The following RBM25 variants were observed in gnomAD, a reference collection of about 807,000 sequenced individuals.
RBM25 encodes RNA binding motif protein 25.
In RBM25, 19 loss-of-function variants were observed where a neutral mutation model predicts 120.7. The ratio of observed to expected loss-of-function variants is 0.16; its 90% CI spans 0.11 to 0.23. The LOEUF (loss-of-function observed/expected upper bound fraction) is 0.23, where lower values mean the gene tolerates loss of function less well. Among genes scored for constraint, RBM25 ranks in the 10% least tolerant of loss-of-function variants. The pLI is 1.00. For synonymous variants in RBM25, 390 were observed against 326.7 expected (o/e 1.19, Z -2.09); for missense variants, 605 against 1,041.5 (o/e 0.58, Z 5.77).
chr14:73,111,848 A>G, intron 16 of RBM25, 46 bp downstream of exon 16: 7 of 1,517,708 alleles, frequency 4.6e-6, no homozygotes, highest in Non-Finnish European at 6.2e-6. Flanking sequence ...AACAGTTGGA[A>G]TATGCCATAC....
chr14:73,074,787 T>C lies in RBM25; in HGVS notation c.107-1532T>C, dbSNP rs1387475163. On this transcript the variant is annotated intron_variant, in intron 2 of 18. Coordinates refer to ENST00000261973, the MANE Select transcript of RBM25 (RefSeq NM_021239.3). ...GTGGTGCCATTACAGCTCACTGCAG[T>C]CTCTGCCTCCTGGGTTCAAGTGATT... 2.6e-4 allele frequency among the ~76,000 whole-genome samples: 39 copies of C among 151,676 alleles called. 1 individual carries two copies. The highest frequency in any genetic ancestry group is 2.6e-3 in the Admixed American group (39 of 15,194).
intron 1 of RBM25, among the ~76,000 whole-genome samples, chr14:73,068,826 G>A (rs568751192): frequency 9.2e-5 from 14 of 151,730 alleles, no homozygotes; most frequent in South Asian, 4.2e-4. Flanking sequence ...CACCCACCTC[G>A]GCCTCCCAAA....
At chr14:73,077,293 A>T (rs1895446492) in intron 3 of RBM25, 76 bp from the exon 4 acceptor site, 1 of 1,273,788 alleles carries the variant, frequency 7.9e-7, no homozygotes, top group Non-Finnish European at 1.1e-6. Context: ...TTTAATCCTG[A>T]TGTTTTTAGC....
rs906205450 is a variant in RBM25 at position 73,063,968 on chromosome 14, A to G, written c.-16+5263A>G. On this transcript the variant is annotated intron_variant, in intron 1 of 18. Coordinates refer to ENST00000261973, the MANE Select transcript of RBM25 (RefSeq NM_021239.3). ...TGTTGGCCTTGCTATTCCTCCCTCA[A>G]ATACACCATTCCTGCTTCAGCCTCT... is the stretch of plus-strand genomic sequence containing the variant. Among the ~76,000 whole-genome samples the G allele has an allele frequency of 9.9e-5, 15 of 151,184 alleles. 2 individuals are homozygous for G. Among genetic ancestry groups the G allele is most frequent in the South Asian group, 2.1e-4 (1 of 4,804 alleles).
At chr14:73,118,238 G>A (rs1373535052) in intron 18 of RBM25, among the ~76,000 whole-genome samples, 1 of 152,150 alleles carries the variant, frequency 6.6e-6, no homozygotes, top group African/African-American at 2.4e-5. Flanking sequence ...CACTTTGGAA[G>A]GCCAAGGTGC....
chr14:73,077,963 G>A (rs566634802), intron 4 of RBM25, among the ~76,000 whole-genome samples: 32 of 152,196 alleles, frequency 2.1e-4, no homozygotes, highest in African/African-American at 7.5e-4. Flanking sequence ...CTAGGAGTTC[G>A]AGACCAGCCT....
chr14:73,089,680 T>A (rs1292193547), intron 6 of RBM25, among the ~76,000 whole-genome samples: 1 of 149,690 alleles, frequency 6.7e-6, no homozygotes, highest in Non-Finnish European at 1.5e-5. Context: ...TTTGTTTGTT[T>A]GTTTGAAATG....
intron 12 of RBM25, 62 bp downstream of exon 12, chr14:73,106,347 C>A: frequency 7.8e-7 from 1 of 1,278,968 alleles, no homozygotes; most frequent in South Asian, 1.5e-5. Flanking sequence ...ATCTTTACTG[C>A]TAACTACAAG....
In RBM25 at chr14:73,110,915, AAAG is replaced by A; in HGVS notation, c.1783_1785del (p.Glu595del). The A allele has an allele frequency of 1.9e-6, 3 of 1,612,306 alleles. No individual in the cohort carries two copies. The highest frequency in any genetic ancestry group is 2.5e-6 in the Non-Finnish European group (3 of 1,179,110). On this transcript the variant is annotated inframe_deletion, in exon 15 of 19. Transcript: ENST00000261973. The stretch of plus-strand genomic sequence containing the variant: ...AGAGGAGGAAGAAGAAAAGCAAGAA[AAAG>A]AAGAAAAACGAGAAGAACCCATGGA...
rs1445845409 is a variant in RBM25 at position 73,076,336 on chromosome 14, G to T, written c.124G>T (p.Val42Leu). 1 of 1,612,582 alleles carries T rather than the reference G, an allele frequency of 6.2e-7. No homozygotes were observed. Residue 42 changes from valine (V) to leucine (L), a missense_variant, in exon 3 of 19, where the codon GTA becomes TTA. Transcript: ENST00000261973. ...PVPPGTPMIP[V>L]PMSIMAPAPT... is the part of the protein sequence containing the mutation. ...TTTCTTAGGGACCCCAATGATTCCT[G>T]TACCAATGAGCATTATGGCTCCTGC...
At chr14:73,089,404 G>C (rs1895759449) in intron 6 of RBM25, among the ~76,000 whole-genome samples, 1 of 152,090 alleles carries the variant, frequency 6.6e-6, no homozygotes, top group African/African-American at 2.4e-5. Context: ...GTTCAGGCTA[G>C]AGTGCAGTGG....
At chr14:73,116,803 T>G (rs1896436860) in intron 18 of RBM25, among the ~76,000 whole-genome samples, 1 of 152,208 alleles carries the variant, frequency 6.6e-6, no homozygotes, top group Non-Finnish European at 1.5e-5. Context: ...TTGAAGTGTA[T>G]TTAGACCACT....
At chr14:73,099,499 GTCTA>G (rs1255475986) in intron 8 of RBM25, 66 bp downstream of exon 8, 5 of 1,586,976 alleles carry the variant, frequency 3.2e-6, no homozygotes, top group East Asian at 2.2e-5. Flanking sequence ...TGTCATTCTT[GTCTA>G]TCTGATTTTT....
rs1015885569 is a variant in RBM25 at position 73,072,323 on chromosome 14, C to CAA, written c.106+585_106+586dup. Among the ~76,000 whole-genome samples the CAA allele has an allele frequency of 1.8e-3, 257 of 146,330 alleles. 2 individuals carry two copies. The highest frequency in any genetic ancestry group is 5.9e-3 in the African/African-American group (236 of 40,132). ...GTAATACATACACATTGTTCAAAAA[C>CAA]AAAAAAAAAATACAGAAAGTAATAC... On this transcript the variant is annotated intron_variant, in intron 2 of 18. Coordinates refer to ENST00000261973, the MANE Select transcript of RBM25 (RefSeq NM_021239.3).
chr14:73,114,420 C>A, intron 18 of RBM25, 87 bp downstream of exon 18: 1 of 931,698 alleles, frequency 1.1e-6, no homozygotes, highest in Non-Finnish European at 1.6e-6. Context: ...TGGGGTCTCA[C>A]CACGTTGCCC....
chr14:73,060,803 A>G (rs1431149538), intron 1 of RBM25, among the ~76,000 whole-genome samples: 1 of 151,454 alleles, frequency 6.6e-6, no homozygotes, highest in Admixed American at 6.6e-5. Context: ...ATCTTTCACC[A>G]GATTCCTCAA....
rs1004873413 is a variant in RBM25, at chr14:73,093,948, G to GTTTT, written c.544-2952_544-2949dup. On this transcript the variant is annotated intron_variant, in intron 6 of 18. Transcript: ENST00000261973. ...TGATCATCTACCATGATCAGGTTTT[G>GTTTT]TTTTTTTTTTTTTTTTTTCTTGAGA... 3.3e-4 allele frequency among the ~76,000 whole-genome samples: 40 copies of GTTTT among 122,184 alleles called. 3 individuals carry two copies. The highest frequency in any genetic ancestry group is 6.8e-4 in the African/African-American group (21 of 31,020). The allele number at this position is 122,184 out of a possible 152,430, so 80.2% of individuals were successfully genotyped here.
intron 18 of RBM25, among the ~76,000 whole-genome samples, chr14:73,118,466 G>C (rs1037083247): frequency 3.4e-5 from 5 of 148,498 alleles, no homozygotes; most frequent in African/African-American, 1.2e-4. Context: ...TGACAAGAGA[G>C]ATCCTGTCTC....
chr14:73,099,838 G>A, intron 9 of RBM25, 88 bp downstream of exon 9: 1 of 1,438,448 alleles, frequency 7.0e-7, no homozygotes, highest in African/African-American at 1.5e-5. Flanking sequence ...CCTTAAATTA[G>A]AATATAATTT....
Sources: gnomAD v4.1 joint callset for allele counts (sites outside exome capture counted in the v4.1 genomes callset) on GRCh38, gnomAD v4.1.1 for gene constraint, MANE v1.5 for transcripts, NCBI Gene and HGNC (gene_info 2026-07-23, HGNC 2026-07-21) for gene names.